Variants in SLC25A46 observed in about 807,000 individuals in gnomAD.
The protein encoded by SLC25A46 is solute carrier family 25 member 46.
A neutral mutation model predicts 44.6 loss-of-function variants in SLC25A46; 39 were observed. The observed-to-expected ratio is 0.87, with a 90% CI of 0.68 to 1.14. SLC25A46 has a LOEUF of 1.14. SLC25A46 is among the 50% of genes most tolerant of loss of function. The probability of loss-of-function intolerance (pLI) is 0.00; values close to 1 mark genes in which losing one functional copy is unlikely to be tolerated. For missense variants in SLC25A46, 547 were observed against 522.7 expected, an observed-to-expected ratio of 1.05 and a Z score of -0.45; for synonymous variants, 202 against 185.8, an observed-to-expected ratio of 1.09 and a Z score of -0.71.
rs1167073025 is a variant in SLC25A46 at position 110,763,072 on chromosome 5, G to T, written c.*1290G>T. 6.6e-6 allele frequency: 1 copy of T among 151,820 alleles called. No homozygotes were observed. Among genetic ancestry groups the T allele is most frequent in the Non-Finnish European group, 1.5e-5 (1 of 67,846 alleles). 9.4% of individuals were successfully genotyped at this position (151,820 alleles called of 1,614,324 possible). A position where few individuals can be genotyped will look rare whatever the true frequency, so the allele number is the denominator to read the frequency against. ...CTAATCAGTTTAATAAAAACATTTT[G>T]TCTATTCCTAAATGTAATTTGGTGG... On this transcript the variant is annotated 3_prime_UTR_variant, in exon 8 of 8. Coordinates refer to ENST00000355943, the MANE Select transcript of SLC25A46 (RefSeq NM_138773.4).
chr5:110,744,943 T>G (rs1561601355), intron 3 of SLC25A46, among the ~76,000 whole-genome samples: 1 of 152,170 alleles, frequency 6.6e-6, no homozygotes, highest in African/African-American at 2.4e-5. Flanking sequence ...AAATTAACAT[T>G]TTGTTACTTC....
rs1037433359 is a variant in SLC25A46, at chr5:110,756,650, A to C, written c.621-52A>C. ...TATTAAAGCAGATATTAAAAAATTTAGTATAAGCATCTTGTTTCAGTATAC... is the reference window on the plus strand; with the variant it reads ...TATTAAAGCAGATATTAAAAAATTTCGTATAAGCATCTTGTTTCAGTATAC... On this transcript the variant is annotated intron_variant, in intron 6 of 7. Coordinates refer to ENST00000355943, the MANE Select transcript of SLC25A46 (RefSeq NM_138773.4). 6.5e-6 allele frequency: 8 copies of C among 1,231,538 alleles called. No homozygotes were observed. In the Admixed American group the frequency reaches 1.7e-4, roughly 26 times the overall value. 76.3% of individuals were successfully genotyped at this position (1,231,538 alleles called of 1,614,324 possible). A position where few individuals can be genotyped will look rare whatever the true frequency, so the allele number is the denominator to read the frequency against.
chr5:110,762,975 T>C lies in SLC25A46; in HGVS notation c.*1193T>C, dbSNP rs1432373587. On this transcript the variant is annotated 3_prime_UTR_variant, in exon 8 of 8. Coordinates refer to ENST00000355943, the MANE Select transcript of SLC25A46 (RefSeq NM_138773.4). ...AAAAATCCAAACCTTAAAGGAAATG[T>C]GCCCTTGTATTTTATGGGTGAGGGG... 1 of 151,954 alleles carries C rather than the reference T, an allele frequency of 6.6e-6. No homozygotes were observed. Among genetic ancestry groups the C allele is most frequent in the Non-Finnish European group, 1.5e-5 (1 of 67,894 alleles). The allele number at this position is 151,954 out of a possible 1,614,324, so 9.4% of individuals were successfully genotyped here.
intron 4 of SLC25A46, 83 bp downstream of exon 4, chr5:110,746,429 T>A: frequency 1.1e-6 from 1 of 909,368 alleles, no homozygotes; most frequent in Non-Finnish European, 1.7e-6. Context: ...AATAATTACT[T>A]TCAGTTTGGT....
chr5:110,743,194 A>T (rs756585328), intron 2 of SLC25A46, among the ~76,000 whole-genome samples: 1 of 152,084 alleles, frequency 6.6e-6, no homozygotes, highest in Non-Finnish European at 1.5e-5. Flanking sequence ...TAAATATTTG[A>T]TACATAAATA....
Position 110,762,377 on chromosome 5 carries a change from A to G in SLC25A46, c.*595A>G, listed in dbSNP as rs1344503155. On this transcript the variant is annotated 3_prime_UTR_variant, in exon 8 of 8. Coordinates refer to ENST00000355943, the MANE Select transcript of SLC25A46 (RefSeq NM_138773.4). The stretch of plus-strand genomic sequence containing the variant: ...ATATATGTATTTTATAAAGCCATTT[A>G]TGTATACACATGTAACTTGGAATTT... 1.3e-5 allele frequency: 2 copies of G among 151,976 alleles called. No homozygotes were observed. The highest frequency in any genetic ancestry group is 2.9e-5 in the Non-Finnish European group (2 of 67,968). The allele number at this position is 151,976 out of a possible 1,614,324, so 9.4% of individuals were successfully genotyped here.
chr5:110,740,107 G>T (rs1799611936), intron 1 of SLC25A46, among the ~76,000 whole-genome samples: 1 of 152,078 alleles, frequency 6.6e-6, no homozygotes, highest in Non-Finnish European at 1.5e-5. Context: ...TAGGACTTCG[G>T]AATCATGACA....
intron 7 of SLC25A46, among the ~76,000 whole-genome samples, chr5:110,758,887 A>G (rs916886526): frequency 6.6e-6 from 1 of 152,200 alleles, no homozygotes. Context: ...ACTTATATAT[A>G]TCCTTTTACT....
chr5:110,758,975 A>G (rs892590984), intron 7 of SLC25A46, among the ~76,000 whole-genome samples: 4 of 152,182 alleles, frequency 2.6e-5, no homozygotes, highest in African/African-American at 9.7e-5. Context: ...CAAGGTTTTA[A>G]TTACATCACT....
chr5:110,753,941 T>C (rs1299870251), intron 5 of SLC25A46: 2 of 152,180 alleles, frequency 1.3e-5, no homozygotes, highest in African/African-American at 4.8e-5. Flanking sequence ...ACGTATTTTG[T>C]TTTATAATCA....
intron 4 of SLC25A46, 37 bp from the exon 5 acceptor site, chr5:110,748,126 G>T (rs765361380): frequency 7.2e-7 from 1 of 1,393,726 alleles, no homozygotes; most frequent in African/African-American, 1.4e-5. Context: ...TCAGATGTAG[G>T]TATTAACAGA....
chr5:110,761,960 T>A lies in SLC25A46; in HGVS notation c.*178T>A, dbSNP rs180723191. 142 of 537,866 alleles carry A rather than the reference T, an allele frequency of 2.6e-4. 1 individual carries two copies. In the East Asian group the frequency reaches 4.2e-3, roughly 16 times the overall value. The allele number at this position is 537,866 out of a possible 1,614,324, so 33.3% of individuals were successfully genotyped here. The stretch of plus-strand genomic sequence containing the variant: ...TTAAGGCATAGGTATATATTTTGGA[T>A]CAAAATCCTTCCAAATTTGAAAACT... On this transcript the variant is annotated 3_prime_UTR_variant, in exon 8 of 8. Coordinates refer to ENST00000355943, the MANE Select transcript of SLC25A46 (RefSeq NM_138773.4). The surrounding 1 kb of genome is among the most constrained non-coding windows in gnomAD (Gnocchi z 5.3).
chr5:110,764,886 G>A lies in SLC25A46; in HGVS notation c.*3104G>A, dbSNP rs1476936750. The A allele has an allele frequency of 1.3e-5, 2 of 151,856 alleles. No individual in the cohort carries two copies. Among genetic ancestry groups the A allele is most frequent in the African/African-American group, 4.8e-5 (2 of 41,406 alleles). 9.4% of individuals were successfully genotyped at this position (151,856 alleles called of 1,614,324 possible). On this transcript the variant is annotated 3_prime_UTR_variant, in exon 8 of 8. Coordinates refer to ENST00000355943, the MANE Select transcript of SLC25A46 (RefSeq NM_138773.4). ...GAATGATACTGTTGTTGGCATTTCT[G>A]TTTCTCTTTCAAGTAGTTGTAAATA... is the stretch of plus-strand genomic sequence containing the variant.
At position 110,761,061 on chromosome 5, in the gene SLC25A46, G is replaced by A. The variant is rs571048769; in HGVS notation, c.679-143G>A. The A allele has an allele frequency of 2.2e-4, 145 of 661,922 alleles. 1 individual carries two copies. Among genetic ancestry groups the A allele is most frequent in the South Asian group, 2.1e-3 (103 of 49,488 alleles). The allele number at this position is 661,922 out of a possible 1,614,324, so 41.0% of individuals were successfully genotyped here. On this transcript the variant is annotated intron_variant, in intron 7 of 7. Coordinates refer to ENST00000355943, the MANE Select transcript of SLC25A46 (RefSeq NM_138773.4). This position sits in a 1 kb window ranked among gnomAD's most constrained non-coding sequence, Gnocchi z 5.3. ...CATTTGAAAAAAAATCTGATGCCTA[G>A]ATAACAGTTAAAGTCTGCAAATCAT...
intron 2 of SLC25A46, among the ~76,000 whole-genome samples, chr5:110,743,146 C>A (rs1244938689): frequency 6.6e-6 from 1 of 151,756 alleles, no homozygotes. Context: ...GACCTGAAAC[C>A]CACAGCTGTA....
rs375510185 is a variant in SLC25A46, at chr5:110,746,036, A to C, written c.385-233A>C. The C allele has an allele frequency of 4.2e-5, 18 of 424,828 alleles. 1 individual carries two copies. The highest frequency in any genetic ancestry group is 3.1e-4 in the East Asian group (6 of 19,066). 26.3% of individuals were successfully genotyped at this position (424,828 alleles called of 1,614,324 possible). A position where few individuals can be genotyped will look rare whatever the true frequency, so the allele number is the denominator to read the frequency against. Reference sequence around the variant, plus strand: ...AGACCCTCTTTATTATATAGTCTACAGTACTGTGTGTATTATGCATTGGTC... The same window carrying C: ...AGACCCTCTTTATTATATAGTCTACCGTACTGTGTGTATTATGCATTGGTC... On this transcript the variant is annotated intron_variant, in intron 3 of 7. Coordinates refer to ENST00000355943, the MANE Select transcript of SLC25A46 (RefSeq NM_138773.4).
chr5:110,747,863 A>G (rs1799858880), intron 4 of SLC25A46, among the ~76,000 whole-genome samples: 1 of 152,162 alleles, frequency 6.6e-6, no homozygotes, highest in Non-Finnish European at 1.5e-5. Context: ...AGTTGTGGAT[A>G]TGTAAGTTTC....
rs1800284639 is a variant in SLC25A46, at chr5:110,762,616, G to A, written c.*834G>A. ...GAGTTTGGTTTGCTTTGCTAGTTGT[G>A]TGAATCATTGGGCTGTTTTTAGAGC... On this transcript the variant is annotated 3_prime_UTR_variant, in exon 8 of 8. Coordinates refer to ENST00000355943, the MANE Select transcript of SLC25A46 (RefSeq NM_138773.4). 2 of 151,852 alleles carry A rather than the reference G, an allele frequency of 1.3e-5. No homozygotes were observed. Among genetic ancestry groups the A allele is most frequent in the African/African-American group, 4.8e-5 (2 of 41,388 alleles). 9.4% of individuals were successfully genotyped at this position (151,852 alleles called of 1,614,324 possible). A position where few individuals can be genotyped will look rare whatever the true frequency, so the allele number is the denominator to read the frequency against.
At chr5:110,759,713 C>A (rs1800200749) in intron 7 of SLC25A46, among the ~76,000 whole-genome samples, 1 of 151,944 alleles carries the variant, frequency 6.6e-6, no homozygotes, top group African/African-American at 2.4e-5. Flanking sequence ...GATGGAAAGT[C>A]TTTGATAGGT....
Sources: allele counts gnomAD v4.1 joint callset (sites outside exome capture counted in the v4.1 genomes callset), GRCh38; gene constraint gnomAD v4.1.1; non-coding constraint Gnocchi (gnomAD v3.1); transcripts MANE v1.5; gene names NCBI Gene and HGNC (gene_info 2026-07-23, HGNC 2026-07-21).